The following HEATR1 variants were observed in gnomAD, a reference collection of about 807,000 sequenced individuals.
HEATR1 encodes the protein HEAT repeat containing 1, also known as HEAT repeat-containing protein 1.
HEATR1 carries 77 observed loss-of-function variants against 248.2 expected under a neutral mutation model. The observed-to-expected ratio is 0.31, with a 90% CI of 0.26 to 0.37. The LOEUF is 0.37. HEATR1 is among the 10% of genes least tolerant of loss of function. The pLI, the probability that HEATR1 is intolerant of heterozygous loss-of-function variation, is 1.00. For missense variants in HEATR1, 2,420 were observed against 2,504.9 expected (o/e 0.97, Z 0.72); for synonymous variants, 897 against 923.1 (o/e 0.97, Z 0.51).
At chr1:236,604,371 C>A in intron 1 of HEATR1, 51 bp downstream of exon 1, 1 of 319,862 alleles carries the variant, frequency 3.1e-6, no homozygotes. Flanking sequence ...TACCCTCCCT[C>A]GATATGCCGC....
intron 3 of HEATR1, 38 bp downstream of exon 3, chr1:236,603,122 G>A (rs1664369890): frequency 6.7e-7 from 1 of 1,502,220 alleles, no homozygotes; most frequent in South Asian, 1.1e-5. Context: ...AGACCAAAGT[G>A]ATTAACCCAT....
chr1:236,599,661 A>T, intron 3 of HEATR1, 37 bp from the exon 4 acceptor site: 2 of 1,557,952 alleles, frequency 1.3e-6, no homozygotes, highest in Non-Finnish European at 1.7e-6. Flanking sequence ...CTGAACACAA[A>T]ACTTAATAAT....
chr1:236,594,877 A>G (rs1664130397), intron 8 of HEATR1, among the ~76,000 whole-genome samples: 1 of 152,092 alleles, frequency 6.6e-6, no homozygotes, highest in Non-Finnish European at 1.5e-5. Context: ...AGTTCCCTGT[A>G]GCCTCGAACT....
In HEATR1 at chr1:236,572,557, G is replaced by A. The variant is rs1207310607; in HGVS notation, c.3564-3C>T. The A allele has an allele frequency of 6.2e-7, 1 of 1,613,300 alleles. No individual in the cohort carries two copies. Among genetic ancestry groups the A allele is most frequent in the African/African-American group, 1.3e-5 (1 of 74,810 alleles). The stretch of plus-strand genomic sequence containing the variant: ...CAGATTCTAGATCTTGTGATTTTCT[G>A]GAAAATGGAGAAGACAAAACGTTGG... On this transcript the variant is annotated splice_region_variant and splice_polypyrimidine_tract_variant and intron_variant, in intron 25 of 44. Transcript: ENST00000366582.
rs528991521 is a variant in HEATR1 at position 236,564,911 on chromosome 1, C to CA, written c.4436-251dup. On this transcript the variant is annotated intron_variant, in intron 31 of 44. Coordinates refer to ENST00000366582, the MANE Select transcript of HEATR1 (RefSeq NM_018072.6). ...CAAAAAACAAAACAGGGAAACTGGA[C>CA]AATCAAATGGAAGAAACCACATCAC... Among the ~76,000 whole-genome samples the CA allele has an allele frequency of 4.3e-3, 662 of 152,316 alleles. 2 individuals are homozygous for CA. Among genetic ancestry groups the CA allele is most frequent in the South Asian group, 9.9e-3 (48 of 4,830 alleles).
At chr1:236,565,225 T>C (rs1049950581) in intron 31 of HEATR1, among the ~76,000 whole-genome samples, 1 of 152,254 alleles carries the variant, frequency 6.6e-6, no homozygotes, top group Non-Finnish European at 1.5e-5. Flanking sequence ...AAACAGTCTC[T>C]GCGGAGCTCT....
intron 17 of HEATR1, among the ~76,000 whole-genome samples, chr1:236,584,696 C>T (rs1239249651): frequency 3.9e-5 from 6 of 152,164 alleles, no homozygotes; most frequent in Non-Finnish European, 5.9e-5. Context: ...TTTGTTCAAG[C>T]ACTAACACAC....
rs543129371 is a variant in HEATR1 at position 236,600,838 on chromosome 1, T to C, written c.360-1214A>G. Reference sequence around the variant, plus strand: ...GCGTGAGCCACTGAACCCAGCCTCTTAGTTTGACATACGGTTTTAGCGGTT... The same window carrying C: ...GCGTGAGCCACTGAACCCAGCCTCTCAGTTTGACATACGGTTTTAGCGGTT... On this transcript the variant is annotated intron_variant, in intron 3 of 44. Transcript: ENST00000366582. Among the ~76,000 whole-genome samples the C allele has an allele frequency of 8.7e-4, 132 of 152,276 alleles. 1 individual carries two copies. In the South Asian group the frequency reaches 0.011, roughly 13 times the overall value.
intron 11 of HEATR1, among the ~76,000 whole-genome samples, chr1:236,591,167 T>C (rs1222330984): frequency 1.3e-5 from 2 of 152,208 alleles, no homozygotes; most frequent in Non-Finnish European, 2.9e-5. Context: ...TATGATTTCA[T>C]GTATACTTGT....
At chr1:236,558,855 A>G in intron 35 of HEATR1, 140 bp downstream of exon 35, 1 of 787,756 alleles carries the variant, frequency 1.3e-6, no homozygotes, top group South Asian at 2.0e-5. Flanking sequence ...GTCACATTTT[A>G]AAACATGTCA....
intron 31 of HEATR1, among the ~76,000 whole-genome samples, chr1:236,565,276 G>A (rs1663238714): frequency 2.6e-5 from 4 of 152,254 alleles, no homozygotes; most frequent in Middle Eastern, 3.4e-3. Context: ...GTTCTGCTTC[G>A]AATTGTAGAG....
rs770512885 is a variant in HEATR1, at chr1:236,559,854, C to A, written c.4647-17G>T. ...TCCAGCAACCTGAAACACAGAGGCT[C>A]GCTCAGCAAACGGCAGCTGAAGGCA... is the stretch of plus-strand genomic sequence containing the variant. On this transcript the variant is annotated splice_polypyrimidine_tract_variant and intron_variant, in intron 33 of 44. Transcript: ENST00000366582. 3.2e-6 allele frequency: 5 copies of A among 1,585,378 alleles called. No homozygotes were observed. The South Asian group carries it at 4.5e-5, about 14-fold the overall frequency.
Position 236,574,753 on chromosome 1 carries a change from G to T in HEATR1, c.3235C>A (p.Pro1079Thr), listed in dbSNP as rs1167908231. Residue 1079 changes from proline (P) to threonine (T), a missense_variant, in exon 23 of 45, where the codon CCG becomes ACG. By Grantham distance (38) the Pro-to-Thr change is conservative. Transcript: ENST00000366582. ...EFSVSLLNED[P>T]KSLDIFIKAV... The stretch of plus-strand genomic sequence containing the variant: ...TTTATAAATATATCTAGACTCTTCG[G>T]ATCCTCATTTAAAAGGGAAACTGAA... 6.2e-7 allele frequency: 1 copy of T among 1,613,802 alleles called. No individual in the cohort carries two copies. Among genetic ancestry groups the T allele is most frequent in the Admixed American group, 1.7e-5 (1 of 59,996 alleles).
At chr1:236,556,624 C>A (rs952239376) in intron 37 of HEATR1, among the ~76,000 whole-genome samples, 1 of 152,170 alleles carries the variant, frequency 6.6e-6, no homozygotes, top group Non-Finnish European at 1.5e-5. Flanking sequence ...ACTTTTAAAC[C>A]CTGGCTGTGG....
chr1:236,566,043 A>G lies in HEATR1; in HGVS notation c.4311T>C (p.Asp1437=). 1 of 1,612,704 alleles carries G rather than the reference A, an allele frequency of 6.2e-7. No homozygotes were observed. The highest frequency in any genetic ancestry group is 8.5e-7 in the Non-Finnish European group (1 of 1,179,584). Residue 1437 remains aspartate (D), a splice_region_variant and synonymous_variant, in exon 31 of 45, where the codon GAT becomes GAC. Coordinates refer to ENST00000366582, the MANE Select transcript of HEATR1 (RefSeq NM_018072.6). ...TVLAAAYGEK[D]AILEADTEFW... is the part of the protein sequence containing the mutation. ...ATTCAGTGTCTGCTTCTAAAATAGC[A>G]TCCTGTGTAGAAAAAGAAAAAGGTA...
rs922260208 is a variant in HEATR1, at chr1:236,554,768, G to A, written c.5924-16C>T. 3 of 1,588,750 alleles carry A rather than the reference G, an allele frequency of 1.9e-6. No homozygotes were observed. Among genetic ancestry groups the A allele is most frequent in the African/African-American group, 2.7e-5 (2 of 73,150 alleles). ...AATGCTTCATCTGTAGACGTGGGAA[G>A]AGTAAAAATGAAAAAACACTGAACT... On this transcript the variant is annotated splice_polypyrimidine_tract_variant and intron_variant, in intron 41 of 44. Coordinates refer to ENST00000366582, the MANE Select transcript of HEATR1 (RefSeq NM_018072.6).
At chr1:236,600,021 T>C (rs1467808419) in intron 3 of HEATR1, among the ~76,000 whole-genome samples, 1 of 150,992 alleles carries the variant, frequency 6.6e-6, no homozygotes, top group Non-Finnish European at 1.5e-5. Flanking sequence ...GTCTCCTGAG[T>C]AGCTGGGACC....
At chr1:236,585,783 A>G (rs951022414) in intron 16 of HEATR1, 37 bp downstream of exon 16, 3 of 1,598,628 alleles carry the variant, frequency 1.9e-6, no homozygotes, top group African/African-American at 2.7e-5. Context: ...GAGTATGAGA[A>G]AGAAATCCAG....
chr1:236,559,586 GA>G (rs941747145), intron 34 of HEATR1, 127 bp downstream of exon 34: 1 of 1,185,802 alleles, frequency 8.4e-7, no homozygotes. Context: ...TGTTTTCTAA[GA>G]AAAATCTGAG....
Sources: gnomAD v4.1 joint callset for allele counts (sites outside exome capture counted in the v4.1 genomes callset) on GRCh38, gnomAD v4.1.1 for gene constraint, MANE v1.5 for transcripts, NCBI Gene and HGNC (gene_info 2026-07-23, HGNC 2026-07-21) for gene names.